Variants in CDK13 observed in about 807,000 individuals in gnomAD.
The protein encoded by CDK13 is cyclin-dependent kinase 13.
In CDK13, 40 loss-of-function variants were observed where a neutral mutation model predicts 137.6. The ratio of observed to expected loss-of-function variants is 0.29; its 90% CI spans 0.23 to 0.38. The LOEUF (loss-of-function observed/expected upper bound fraction) is 0.38. Ranked by LOEUF, CDK13 falls within the 10% of genes least tolerant of loss-of-function variation. CDK13 has a pLI of 1.00. For missense variants in CDK13, 1,704 were observed against 1,951.8 expected (o/e 0.87, Z 2.39); for synonymous variants, 869 against 760.1 (o/e 1.14, Z -2.36).
At chr7:40,079,767 G>A (rs1009102101) in intron 11 of CDK13, among the ~76,000 whole-genome samples, 1 of 152,158 alleles carries the variant, frequency 6.6e-6, no homozygotes, top group Non-Finnish European at 1.5e-5. Context: ...TGAATGAAAA[G>A]AATGTTAGTA....
chr7:40,079,344 G>A (rs980147386), intron 11 of CDK13, among the ~76,000 whole-genome samples: 10 of 152,032 alleles, frequency 6.6e-5, no homozygotes, highest in Admixed American at 2.6e-4. Context: ...GCTTGAACCC[G>A]CGAGGCGGAG....
In CDK13 at chr7:40,002,050, A is replaced by G. The variant is rs1325946115; in HGVS notation, c.2353+19A>G. On this transcript the variant is annotated intron_variant, in intron 5 of 13. Coordinates refer to ENST00000181839, the MANE Select transcript of CDK13 (RefSeq NM_003718.5). ...GACAAAGGTATGTGTGCATATTTAA[A>G]TAACGAATTTTTTGTATTCATGATT... 6.5e-7 allele frequency: 1 copy of G among 1,544,370 alleles called. No individual in the cohort carries two copies. Among genetic ancestry groups the G allele is most frequent in the South Asian group, 1.3e-5 (1 of 79,806 alleles).
intron 5 of CDK13, among the ~76,000 whole-genome samples, chr7:40,012,911 CAAAAAA>C (rs61228761): frequency 8.3e-6 from 1 of 120,642 alleles, no homozygotes; most frequent in Admixed American, 8.7e-5. Flanking sequence ...GACTCTGTGT[CAAAAAA>C]AAAAAAAAAA....
At position 40,047,799 on chromosome 7, in the gene CDK13, C is replaced by G. The variant is rs747560938; in HGVS notation, c.2544-22C>G. On this transcript the variant is annotated intron_variant, in intron 6 of 13. Transcript: ENST00000181839. ...TAAGAGTAAATTAATACCTTTTGTT[C>G]ATTTTGTCTTATTTCCACCAGAGGG... 8 of 1,563,754 alleles carry G rather than the reference C, an allele frequency of 5.1e-6. 1 individual carries two copies. Among genetic ancestry groups the G allele is most frequent in the Middle Eastern group, 1.7e-4 (1 of 5,952 alleles).
chr7:40,032,257 GAC>G (rs1785396559), intron 5 of CDK13, among the ~76,000 whole-genome samples: 1 of 152,268 alleles, frequency 6.6e-6, no homozygotes, highest in Non-Finnish European at 1.5e-5. Context: ...TTTTTGGAGA[GAC>G]AGGGTTTTGC....
chr7:40,080,272 G>A (rs1483081170), intron 11 of CDK13, among the ~76,000 whole-genome samples: 1 of 152,156 alleles, frequency 6.6e-6, no homozygotes, highest in Non-Finnish European at 1.5e-5. Context: ...ACAGATTTGA[G>A]CCACCACGCC....
At chr7:39,952,276 G>A (rs1787248938) in intron 1 of CDK13, 1 of 157,332 alleles carries the variant, frequency 6.4e-6, no homozygotes, top group Non-Finnish European at 1.4e-5. Flanking sequence ...TTAAGATCTA[G>A]TATTGTACAG....
At chr7:39,990,635 A>G (rs1784437201) in intron 2 of CDK13, among the ~76,000 whole-genome samples, 1 of 152,240 alleles carries the variant, frequency 6.6e-6, no homozygotes, top group South Asian at 2.1e-4. Context: ...TAGAAGTACA[A>G]TAACATTTGT....
intron 1 of CDK13, among the ~76,000 whole-genome samples, chr7:39,981,251 C>T (rs1486234519): frequency 1.3e-5 from 2 of 151,918 alleles, no homozygotes; most frequent in East Asian, 1.9e-4. Context: ...GCCTGTAGTC[C>T]CCGCTACTTT....
At chr7:40,024,655 T>G (rs994930033) in intron 5 of CDK13, among the ~76,000 whole-genome samples, 28 of 119,550 alleles carry the variant, frequency 2.3e-4, no homozygotes, top group South Asian at 1.1e-3. Flanking sequence ...GTTTTTTTTT[T>G]TTTTTTTTTT....
At chr7:39,969,841 G>C (rs553092548) in intron 1 of CDK13, among the ~76,000 whole-genome samples, 1 of 152,062 alleles carries the variant, frequency 6.6e-6, no homozygotes, top group South Asian at 2.1e-4. Context: ...CATTCTTCAT[G>C]AATTGGGTTG....
At chr7:40,042,758 G>T (rs532394933) in intron 5 of CDK13, among the ~76,000 whole-genome samples, 1 of 150,832 alleles carries the variant, frequency 6.6e-6, no homozygotes, top group African/African-American at 2.4e-5. Flanking sequence ...GGGATTACAG[G>T]TGTGAGCCAC....
chr7:39,962,693 A>G (rs530578355), intron 1 of CDK13, among the ~76,000 whole-genome samples: 3 of 152,324 alleles, frequency 2.0e-5, no homozygotes, highest in African/African-American at 4.8e-5. Context: ...TGTTTTAGAC[A>G]TGAAGTCCTT....
At chr7:40,075,024 C>T (rs2150534340) in intron 9 of CDK13, among the ~76,000 whole-genome samples, 1 of 151,836 alleles carries the variant, frequency 6.6e-6, no homozygotes, top group Non-Finnish European at 1.5e-5. Context: ...GCAGGATTCT[C>T]TTTTGGAGTG....
intron 5 of CDK13, among the ~76,000 whole-genome samples, chr7:40,021,827 C>T (rs905916976): frequency 6.6e-6 from 1 of 152,046 alleles, no homozygotes; most frequent in Non-Finnish European, 1.5e-5. Flanking sequence ...AAAATAGCAA[C>T]TAAAATTTTT....
intron 1 of CDK13, among the ~76,000 whole-genome samples, chr7:39,965,896 T>G (rs1031422607): frequency 6.6e-5 from 10 of 152,232 alleles, no homozygotes; most frequent in African/African-American, 2.4e-4. Context: ...TGGCTGGATA[T>G]GAAATTCTGG....
At position 40,095,167 on chromosome 7, in the gene CDK13, C is replaced by G. The variant is rs910802497; in HGVS notation, c.*187C>G. The G allele has an allele frequency of 7.2e-6, 3 of 418,456 alleles. No individual in the cohort carries two copies. Among genetic ancestry groups the G allele is most frequent in the Non-Finnish European group, 8.0e-6 (2 of 249,560 alleles). 25.9% of individuals were successfully genotyped at this position (418,456 alleles called of 1,614,324 possible). On this transcript the variant is annotated 3_prime_UTR_variant, in exon 14 of 14. Transcript: ENST00000181839. The stretch of plus-strand genomic sequence containing the variant: ...AACCTTTGCTTAAATTCATGCTGTT[C>G]TAAAAACTAGATCGATTGTACATCT...
chr7:40,056,690 A>C (rs1212903776), intron 7 of CDK13, among the ~76,000 whole-genome samples: 4 of 152,232 alleles, frequency 2.6e-5, no homozygotes, highest in African/African-American at 9.6e-5. Context: ...AGTAAATCTA[A>C]ATAGGATGAC....
intron 7 of CDK13, among the ~76,000 whole-genome samples, chr7:40,054,450 G>T (rs760580436): frequency 3.3e-5 from 5 of 149,336 alleles, no homozygotes; most frequent in Non-Finnish European, 5.9e-5. Flanking sequence ...TTTTTTTTGA[G>T]ATGGAGTTTC....
Sources: gnomAD v4.1 joint callset for allele counts (sites outside exome capture counted in the v4.1 genomes callset) on GRCh38, gnomAD v4.1.1 for gene constraint, MANE v1.5 for transcripts, NCBI Gene and HGNC (gene_info 2026-07-23, HGNC 2026-07-21) for gene names.